INO80: variants seen among roughly 807,000 people sequenced by gnomAD.
The protein encoded by INO80 is chromatin-remodeling ATPase INO80.
In INO80, 20 loss-of-function variants were observed where a neutral mutation model predicts 203.4. The observed-to-expected ratio is 0.10, with a 90% CI of 0.07 to 0.14. The LOEUF is 0.14. Ranked by LOEUF, INO80 falls within the 10% of genes least tolerant of loss-of-function variation. The pLI is 1.00. For missense variants in INO80, 1,419 were observed against 1,914.4 expected, an observed-to-expected ratio of 0.74 and a Z score of 4.83; for synonymous variants, 726 against 685.2, an observed-to-expected ratio of 1.06 and a Z score of -0.93.
At chr15:40,988,313 A>G (rs2043768795) in intron 29 of INO80, among the ~76,000 whole-genome samples, 1 of 152,192 alleles carries the variant, frequency 6.6e-6, no homozygotes, top group Non-Finnish European at 1.5e-5. Context: ...TAAATCCCAG[A>G]ATTATCACTG....
intron 28 of INO80, chr15:41,004,784 A>G (rs983142627): frequency 6.6e-6 from 1 of 152,232 alleles, no homozygotes; most frequent in African/African-American, 2.4e-5. Flanking sequence ...GCAATTTGTC[A>G]TAAGGCACTG....
At chr15:41,046,148 GGTGTGTGTGTGTCT>G (rs1426273758) in intron 23 of INO80, among the ~76,000 whole-genome samples, 2 of 121,338 alleles carry the variant, frequency 1.6e-5, no homozygotes, top group Admixed American at 1.8e-4. Context: ...ATATTTAAGG[GGTGTGTGTGTGTCT>G]GTGTGTGTGT....
intron 14 of INO80, among the ~76,000 whole-genome samples, chr15:41,062,466 G>A (rs1047941700): frequency 6.6e-6 from 1 of 152,202 alleles, no homozygotes; most frequent in African/African-American, 2.4e-5. Context: ...GCTGGGCGCA[G>A]AGGTTGCAGT....
chr15:41,075,681 C>T (rs1447103480), intron 9 of INO80, among the ~76,000 whole-genome samples: 4 of 152,138 alleles, frequency 2.6e-5, no homozygotes, highest in Non-Finnish European at 4.4e-5. Flanking sequence ...GTCTCAATCT[C>T]CCGACCTCAT....
chr15:41,069,638 T>C lies in INO80; in HGVS notation c.1714A>G (p.Ile572Val), dbSNP rs761189778. The stretch of plus-strand genomic sequence containing the variant: ...TTAAGTGTAGACGCAGGTGAAATTA[T>C]TAAGAAAGGTCCCCAAATGTTCTCT... ...ERENIWGPFL[I>V]ISPASTLNNW... The change falls in exon 14 of 36, where the codon ATA becomes GTA. Residue 572 changes from isoleucine to valine, a missense_variant. Ile to Val is a conservative substitution (Grantham distance 29, BLOSUM62 3). Around this residue, in one of 9 missense-constraint regions of INO80, gnomAD observed 192 missense variants for 406.7 expected, o/e 0.47. Transcript: ENST00000648947. The C allele has an allele frequency of 6.2e-7, 1 of 1,609,002 alleles. No individual in the cohort carries two copies. Among genetic ancestry groups the C allele is most frequent in the South Asian group, 1.1e-5 (1 of 90,162 alleles).
At chr15:41,109,478 GC>G (rs1240663421) in intron 1 of INO80, among the ~76,000 whole-genome samples, 9 of 151,322 alleles carry the variant, frequency 5.9e-5, no homozygotes, top group African/African-American at 2.2e-4. Flanking sequence ...ATTGGCCACT[GC>G]CGTATTTATT....
At chr15:41,077,008 A>G (rs932559652) in intron 9 of INO80, among the ~76,000 whole-genome samples, 8 of 151,986 alleles carry the variant, frequency 5.3e-5, no homozygotes, top group Admixed American at 3.3e-4. Context: ...CCCCGGTTCA[A>G]GCGATTCTGC....
rs2044287969 is a variant in INO80, at chr15:41,021,143, CAT to C, written c.3049-20_3049-19del. 2.6e-6 allele frequency: 4 copies of C among 1,556,208 alleles called. No individual in the cohort carries two copies. The highest frequency in any genetic ancestry group is 1.1e-5 in the South Asian group (1 of 89,872). Reference sequence around the variant, plus strand: ...GCGGTAACCTGCAGTTAAAGATTCACATGAGATGGCTCTTTCACGTTGTCCAT... The same window carrying C: ...GCGGTAACCTGCAGTTAAAGATTCACGAGATGGCTCTTTCACGTTGTCCAT... On this transcript the variant is annotated intron_variant, in intron 25 of 35. Transcript: ENST00000648947.
intron 24 of INO80, among the ~76,000 whole-genome samples, chr15:41,040,841 GATATTTGTA>G (rs2044654824): frequency 1.3e-5 from 2 of 151,326 alleles, no homozygotes; most frequent in South Asian, 4.2e-4. Context: ...CAGAGTAGAA[GATATTTGTA>G]ATATACAAAG....
chr15:41,042,325 A>T (rs1217097687), intron 24 of INO80, among the ~76,000 whole-genome samples: 2 of 150,888 alleles, frequency 1.3e-5, no homozygotes, highest in Non-Finnish European at 3.0e-5. Context: ...AATTTTTAAA[A>T]TTTTTTAGTA....
intron 1 of INO80, among the ~76,000 whole-genome samples, chr15:41,102,699 AT>A (rs376825105): frequency 6.6e-6 from 1 of 152,216 alleles, no homozygotes; most frequent in African/African-American, 2.4e-5. Flanking sequence ...ATTATAAAAT[AT>A]TTGTAATAAA....
At chr15:41,057,232 G>A (rs185702150) in intron 16 of INO80, among the ~76,000 whole-genome samples, 1 of 152,042 alleles carries the variant, frequency 6.6e-6, no homozygotes, top group Non-Finnish European at 1.5e-5. Flanking sequence ...AGCACTTTGG[G>A]AGGCTTGAGT....
At chr15:40,984,159 C>T (rs752151002) in intron 33 of INO80, 38 bp downstream of exon 33, 1 of 1,606,216 alleles carries the variant, frequency 6.2e-7, no homozygotes, top group Non-Finnish European at 8.5e-7. Context: ...CAGGACACTC[C>T]TTACGGCTGT....
At chr15:41,074,593 G>C in intron 9 of INO80, 28 bp from the exon 10 acceptor site, 1 of 1,510,078 alleles carries the variant, frequency 6.6e-7, no homozygotes, top group South Asian at 1.2e-5. Context: ...TGAAAACAGA[G>C]CCAAATTATC....
Position 41,074,418 on chromosome 15 carries a change from T to C in INO80, c.1279A>G (p.Ile427Val), listed in dbSNP as rs2045370813. 2 of 1,614,010 alleles carry C rather than the reference T, an allele frequency of 1.2e-6. No homozygotes were observed. Among genetic ancestry groups the C allele is most frequent in the Non-Finnish European group, 1.7e-6 (2 of 1,179,952 alleles). Reference protein sequence around the residue: ...KLEDSSTQRQIDIGGGVVVNI... With the variant: ...KLEDSSTQRQVDIGGGVVVNI... ...ACTACCACTCCTCCACCTATATCGATTTGTCTCTGGGTAGAACTGTCTTCC... is the reference window on the plus strand; with the variant it reads ...ACTACCACTCCTCCACCTATATCGACTTGTCTCTGGGTAGAACTGTCTTCC... The change falls in exon 10 of 36, where the codon ATC becomes GTC. Residue 427 changes from isoleucine (I) to valine (V), a missense_variant. Around this residue, in one of 9 missense-constraint regions of INO80, gnomAD observed 116 missense variants for 119.5 expected, o/e 0.97. Coordinates refer to ENST00000648947, the MANE Select transcript of INO80 (RefSeq NM_017553.3).
rs375947822 is a variant in INO80, at chr15:41,022,522, G to A, written c.3049-1397C>T. Among the ~76,000 whole-genome samples, 15 of 152,274 alleles carry A rather than the reference G, an allele frequency of 9.9e-5. No homozygotes were observed. In the East Asian group the frequency reaches 2.7e-3, roughly 27 times the overall value. ...ACCCCAGCGTCCCAAGTTGAACCTT[G>A]AGAAATACTGCCTTGAGACATATGA... On this transcript the variant is annotated intron_variant, in intron 25 of 35. Coordinates refer to ENST00000648947, the MANE Select transcript of INO80 (RefSeq NM_017553.3).
intron 1 of INO80, among the ~76,000 whole-genome samples, chr15:41,099,979 T>C (rs553987949): frequency 2.4e-4 from 36 of 152,146 alleles, no homozygotes; most frequent in Non-Finnish European, 5.1e-4. Context: ...ACAGAACAAT[T>C]AATCCATGCT....
chr15:41,101,254 C>G (rs879677774), intron 1 of INO80, among the ~76,000 whole-genome samples: 5 of 152,174 alleles, frequency 3.3e-5, no homozygotes, highest in Non-Finnish European at 5.9e-5. Flanking sequence ...TTATTCCCTA[C>G]AAGGAAACTG....
At chr15:41,026,647 A>G (rs9920619) in intron 25 of INO80, among the ~76,000 whole-genome samples, 61,045 of 151,982 alleles carry the variant, frequency 0.4, 12,910 homozygotes, top group African/African-American at 0.54. Flanking sequence ...GAAAAACATA[A>G]AAGGGTAAGA....
Sources: allele counts gnomAD v4.1 joint callset (sites outside exome capture counted in the v4.1 genomes callset), GRCh38; gene constraint gnomAD v4.1.1; regional missense constraint gnomAD v4.1.1; transcripts MANE v1.5; gene names NCBI Gene and HGNC (gene_info 2026-07-23, HGNC 2026-07-21).